Variants in COL8A1 observed in about 807,000 individuals in gnomAD.
COL8A1 encodes collagen type VIII alpha 1 chain.
Under a neutral mutation model 42.7 loss-of-function variants are expected in COL8A1, and 21 were observed. The ratio of observed to expected loss-of-function variants is 0.49; its 90% CI spans 0.35 to 0.71. COL8A1 has a LOEUF of 0.71. Among genes scored for constraint, COL8A1 ranks in the 30% least tolerant of loss-of-function variants. The pLI, the probability that COL8A1 is intolerant of heterozygous loss-of-function variation, is 0.01. For synonymous variants in COL8A1, 367 were observed against 369.1 expected (o/e 0.99, Z 0.06); for missense variants, 788 against 962.4 (o/e 0.82, Z 2.40).
intron 1 of COL8A1, among the ~76,000 whole-genome samples, chr3:99,658,882 G>A (rs1388906344): frequency 6.6e-6 from 1 of 152,114 alleles, no homozygotes; most frequent in African/African-American, 2.4e-5. Context: ...TTCTCATTGT[G>A]GGCAAAGTTT....
chr3:99,711,475 T>C (rs1939833999), intron 1 of COL8A1, among the ~76,000 whole-genome samples: 1 of 152,192 alleles, frequency 6.6e-6, no homozygotes, highest in Non-Finnish European at 1.5e-5. Context: ...GGGATTCTTT[T>C]GCACATCTGC....
At chr3:99,772,554 T>A (rs35804387) in intron 2 of COL8A1, among the ~76,000 whole-genome samples, 2 of 151,984 alleles carry the variant, frequency 1.3e-5, no homozygotes, top group African/African-American at 4.8e-5. Flanking sequence ...AGTGTGGGGG[T>A]AGGAGGAATA....
intron 2 of COL8A1, among the ~76,000 whole-genome samples, chr3:99,765,561 C>T (rs1243083598): frequency 6.6e-6 from 1 of 152,174 alleles, no homozygotes; most frequent in Non-Finnish European, 1.5e-5. Context: ...GCTGTACAAA[C>T]CCTCCCAAAT....
Position 99,794,191 on chromosome 3 carries a change from C to A in COL8A1, c.329-39C>A. The A allele has an allele frequency of 1.5e-6, 2 of 1,341,888 alleles. No homozygotes were observed. Among genetic ancestry groups the A allele is most frequent in the Non-Finnish European group, 2.0e-6 (2 of 979,594 alleles). The allele number at this position is 1,341,888 out of a possible 1,614,324, so 83.1% of individuals were successfully genotyped here. On this transcript the variant is annotated intron_variant, in intron 3 of 3. Coordinates refer to ENST00000652472, the MANE Select transcript of COL8A1 (RefSeq NM_020351.4). This position sits in a 1 kb window ranked among gnomAD's most constrained non-coding sequence, Gnocchi z 4.3. ...ACAATCTACTAATCAATCTCTCTCTCTCCCCCCATACCCCTTCTCTCTCTT... is the reference window on the plus strand; with the variant it reads ...ACAATCTACTAATCAATCTCTCTCTATCCCCCCATACCCCTTCTCTCTCTT...
chr3:99,747,479 G>A (rs1053358484), intron 2 of COL8A1, among the ~76,000 whole-genome samples: 13 of 152,148 alleles, frequency 8.5e-5, no homozygotes, highest in African/African-American at 2.4e-4. Context: ...AAATATCCAC[G>A]GAAAACCTGT....
intron 2 of COL8A1, among the ~76,000 whole-genome samples, chr3:99,787,099 C>G (rs75457396): frequency 2.5e-3 from 381 of 152,228 alleles, no homozygotes; most frequent in African/African-American, 8.1e-3. Flanking sequence ...AGGCAAGGAC[C>G]AACAGATTAA....
At chr3:99,677,893 G>C (rs1295254311) in intron 1 of COL8A1, 4 of 152,102 alleles carry the variant, frequency 2.6e-5, no homozygotes, top group African/African-American at 9.7e-5. Flanking sequence ...TTGAATGTAA[G>C]GACATGGGAA....
At chr3:99,779,421 C>T (rs1330579482) in intron 2 of COL8A1, among the ~76,000 whole-genome samples, 1 of 152,160 alleles carries the variant, frequency 6.6e-6, no homozygotes, top group Non-Finnish European at 1.5e-5. Context: ...CTTCCTTCAG[C>T]AGTAAAAGAT....
At chr3:99,673,099 A>G (rs1938593932) in intron 1 of COL8A1, among the ~76,000 whole-genome samples, 1 of 152,022 alleles carries the variant, frequency 6.6e-6, no homozygotes, top group Non-Finnish European at 1.5e-5. Context: ...GGGACAGACT[A>G]TTTCCAGATA....
intron 2 of COL8A1, among the ~76,000 whole-genome samples, chr3:99,776,757 A>G (rs1343158286): frequency 6.6e-6 from 1 of 152,226 alleles, no homozygotes; most frequent in East Asian, 1.9e-4. Context: ...AAGAATACTT[A>G]TAATTGTTTC....
Position 99,785,974 on chromosome 3 carries a change from C to T in COL8A1, c.-3-4706C>T, listed in dbSNP as rs756080990. 3.3e-5 allele frequency among the ~76,000 whole-genome samples: 5 copies of T among 152,092 alleles called. No individual in the cohort carries two copies. The East Asian group carries it at 5.8e-4, about 18-fold the overall frequency. ...ATTATCTTCCAGGAAAAAAGAATAT[C>T]GTAAATAAAGAATTCAAAATGAGGT... On this transcript the variant is annotated intron_variant, in intron 2 of 3. Transcript: ENST00000652472.
intron 2 of COL8A1, among the ~76,000 whole-genome samples, chr3:99,769,870 A>C (rs943950375): frequency 1.3e-5 from 2 of 152,094 alleles, no homozygotes; most frequent in African/African-American, 4.8e-5. Flanking sequence ...AGTGAGCTGA[A>C]ATGGCGCCAT....
intron 2 of COL8A1, among the ~76,000 whole-genome samples, chr3:99,774,676 A>G (rs1941657435): frequency 6.6e-6 from 1 of 152,090 alleles, no homozygotes; most frequent in Admixed American, 6.5e-5. Flanking sequence ...CTCATTTCAC[A>G]GAGATTGAAA....
At chr3:99,759,475 G>C (rs1171702314) in intron 2 of COL8A1, among the ~76,000 whole-genome samples, 1 of 152,066 alleles carries the variant, frequency 6.6e-6, no homozygotes, top group Non-Finnish European at 1.5e-5. Context: ...ATGAGAAAAA[G>C]GGAAAACTAC....
intron 2 of COL8A1, among the ~76,000 whole-genome samples, chr3:99,746,272 C>T (rs1941023057): frequency 6.6e-6 from 1 of 152,030 alleles, no homozygotes; most frequent in Non-Finnish European, 1.5e-5. Flanking sequence ...AGATGTTCTC[C>T]AAATGAAATA....
At position 99,797,806 on chromosome 3, in the gene COL8A1, TG is replaced by T. The variant is rs1441442198; in HGVS notation, c.*1671del. 1.2e-4 allele frequency: 18 copies of T among 152,262 alleles called. No individual in the cohort carries two copies. 9.4% of individuals were successfully genotyped at this position (152,262 alleles called of 1,614,324 possible). ...AGAGCCTGTGTTTTTAATGTCATCC[TG>T]TACTCGGCACAAATCAAAGGCCAAT... On this transcript the variant is annotated 3_prime_UTR_variant, in exon 4 of 4. Transcript: ENST00000652472.
chr3:99,762,475 CAG>C (rs751863112), intron 2 of COL8A1, among the ~76,000 whole-genome samples: 8 of 152,210 alleles, frequency 5.3e-5, no homozygotes, highest in Non-Finnish European at 1.0e-4. Flanking sequence ...TTCAAATTTT[CAG>C]ACTCTTTGGA....
At position 99,790,769 on chromosome 3, in the gene COL8A1, C is replaced by A. The variant is rs761569137; in HGVS notation, c.87C>A (p.Ala29=). 6.2e-7 allele frequency: 1 copy of A among 1,614,156 alleles called. No individual in the cohort carries two copies. Among genetic ancestry groups the A allele is most frequent in the East Asian group, 2.2e-5 (1 of 44,874 alleles). Residue 29 remains alanine (A), a synonymous_variant, in exon 3 of 4, where the codon GCC becomes GCA. Transcript: ENST00000652472. ...CCATCAGGCTCATTCAGGCTGGTGC[C>A]TACTATGGGATCAAGCCGCTGCCAC... ...LSSIRLIQAG[A]YYGIKPLPPQ...
chr3:99,662,850 A>G (rs1193348876), intron 1 of COL8A1, among the ~76,000 whole-genome samples: 1 of 152,072 alleles, frequency 6.6e-6, no homozygotes, highest in East Asian at 1.9e-4. Flanking sequence ...CTGTGTGCAT[A>G]TTTGTCTCTG....
Sources: gnomAD v4.1 joint callset for allele counts (sites outside exome capture counted in the v4.1 genomes callset) on GRCh38, gnomAD v4.1.1 for gene constraint, Gnocchi (gnomAD v3.1) non-coding constraint, MANE v1.5 for transcripts, NCBI Gene and HGNC (gene_info 2026-07-23, HGNC 2026-07-21) for gene names.